Variants in KCNQ1 observed in about 807,000 individuals in gnomAD.
The protein encoded by KCNQ1 is potassium voltage-gated channel subfamily KQT member 1.
In KCNQ1, 49 loss-of-function variants were observed where a neutral mutation model predicts 72.4. The ratio of observed to expected loss-of-function variants is 0.68; its 90% CI spans 0.54 to 0.86. The LOEUF is 0.86. KCNQ1 is among the 40% of genes least tolerant of loss of function. The pLI is 0.00. For missense variants in KCNQ1, 790 were observed against 945.1 expected (o/e 0.84, Z 2.15); for synonymous variants, 450 against 412.6 (o/e 1.09, Z -1.10).
At position 2,463,503 on chromosome 11, in the gene KCNQ1, C is replaced by T. The variant is rs1215629450; in HGVS notation, c.386+18019C>T. 6.6e-6 allele frequency among the ~76,000 whole-genome samples: 1 copy of T among 152,098 alleles called. No individual in the cohort carries two copies. Among genetic ancestry groups the T allele is most frequent in the East Asian group, 1.9e-4 (1 of 5,178 alleles). On this transcript the variant is annotated intron_variant, in intron 1 of 15. Transcript: ENST00000155840. This position sits in a 1 kb window ranked among gnomAD's most constrained non-coding sequence, Gnocchi z 7.0. The stretch of plus-strand genomic sequence containing the variant: ...CTCTGTAGCCTTCCTGGCTTCGGTC[C>T]CCTGGACAGGCTCCACCTCCCTCTT...
intron 1 of KCNQ1, among the ~76,000 whole-genome samples, chr11:2,455,871 G>C (rs1846185138): frequency 6.6e-6 from 1 of 152,184 alleles, no homozygotes; most frequent in African/African-American, 2.4e-5. Flanking sequence ...GAACAGAATA[G>C]AGAACTCAGA....
chr11:2,507,320 C>T lies in KCNQ1; in HGVS notation c.387-20608C>T, dbSNP rs758523271. Among the ~76,000 whole-genome samples the T allele has an allele frequency of 9.2e-5, 14 of 152,182 alleles. No individual in the cohort carries two copies. The highest frequency in any genetic ancestry group is 1.9e-4 in the Non-Finnish European group (13 of 68,042). ...GGGGCCTTCACGAGGCCCCTCTGGC[C>T]TCTAAGTGGAGCATGGAGTGTGGGG... On this transcript the variant is annotated intron_variant, in intron 1 of 15. Transcript: ENST00000155840. The surrounding 1 kb of genome is among the most constrained non-coding windows in gnomAD (Gnocchi z 5.4).
rs1016606317 is a variant in KCNQ1, at chr11:2,450,085, C to A, written c.386+4601C>A. Among the ~76,000 whole-genome samples, 3 of 152,212 alleles carry A rather than the reference C, an allele frequency of 2.0e-5. No homozygotes were observed. Among genetic ancestry groups the A allele is most frequent in the Non-Finnish European group, 4.4e-5 (3 of 68,024 alleles). ...GGGCCCCCAGTTCCCTGCATTCCACCCGCCTTGTCTGGGAGGTGGACGAGC... is the reference window on the plus strand; with the variant it reads ...GGGCCCCCAGTTCCCTGCATTCCACACGCCTTGTCTGGGAGGTGGACGAGC... On this transcript the variant is annotated intron_variant, in intron 1 of 15. Transcript: ENST00000155840. This position sits in a 1 kb window ranked among gnomAD's most constrained non-coding sequence, Gnocchi z 7.9.
Position 2,826,438 on chromosome 11 carries a change from C to T in KCNQ1, c.1795-21329C>T, listed in dbSNP as rs998582481. Among the ~76,000 whole-genome samples, 6 of 152,256 alleles carry T rather than the reference C, an allele frequency of 3.9e-5. No individual in the cohort carries two copies. The highest frequency in any genetic ancestry group is 7.2e-5 in the African/African-American group (3 of 41,470). On this transcript the variant is annotated intron_variant, in intron 15 of 15. Coordinates refer to ENST00000155840, the MANE Select transcript of KCNQ1 (RefSeq NM_000218.3). The surrounding 1 kb of genome is among the most constrained non-coding windows in gnomAD (Gnocchi z 4.2). Reference sequence around the variant, plus strand: ...GCCTCTTGGCAGCGCTGATGGAAACCGCCGTGCGGTTCCGCGCAGACAGTC... The same window carrying T: ...GCCTCTTGGCAGCGCTGATGGAAACTGCCGTGCGGTTCCGCGCAGACAGTC...
intron 13 of KCNQ1, among the ~76,000 whole-genome samples, chr11:2,776,722 C>T (rs1182078293): frequency 6.6e-6 from 1 of 152,222 alleles, no homozygotes; most frequent in Non-Finnish European, 1.5e-5. Context: ...GATCCACTGC[C>T]TCCCACTCCT....
chr11:2,659,903 T>A lies in KCNQ1; in HGVS notation c.1394-2058T>A, dbSNP rs1026296405. 6.3e-5 allele frequency: 25 copies of A among 398,386 alleles called. No homozygotes were observed. The highest frequency in any genetic ancestry group is 1.1e-4 in the Non-Finnish European group (25 of 226,012). 24.7% of individuals were successfully genotyped at this position (398,386 alleles called of 1,614,324 possible). ...TAAAATTGGATTGTTCACTTTATTGTCAAGTTGTAAGCATTCTTTATATAT... is the reference window on the plus strand; with the variant it reads ...TAAAATTGGATTGTTCACTTTATTGACAAGTTGTAAGCATTCTTTATATAT... On this transcript the variant is annotated intron_variant, in intron 10 of 15. Transcript: ENST00000155840. This position sits in a 1 kb window ranked among gnomAD's most constrained non-coding sequence, Gnocchi z 4.3.
intron 11 of KCNQ1, chr11:2,688,658 C>A: frequency 2.5e-6 from 1 of 398,808 alleles, no homozygotes. Context: ...CATAGGGCTG[C>A]CTGCTTCGTT....
At position 2,695,282 on chromosome 11, in the gene KCNQ1, C is replaced by T; in HGVS notation, c.1514+33201C>T. ...TTCATCTCTAGCCTCTATCCTTGCT[C>T]TCCTCCCTACACAAACAGCTTCTCC... is the stretch of plus-strand genomic sequence containing the variant. On this transcript the variant is annotated intron_variant, in intron 11 of 15. Coordinates refer to ENST00000155840, the MANE Select transcript of KCNQ1 (RefSeq NM_000218.3). The surrounding 1 kb of genome is among the most constrained non-coding windows in gnomAD (Gnocchi z 5.2). 1 of 398,642 alleles carries T rather than the reference C, an allele frequency of 2.5e-6. No individual in the cohort carries two copies. The highest frequency in any genetic ancestry group is 2.1e-5 in the African/African-American group (1 of 48,724). The allele number at this position is 398,642 out of a possible 1,614,324, so 24.7% of individuals were successfully genotyped here.
chr11:2,610,865 C>T, intron 10 of KCNQ1: 1 of 398,062 alleles, frequency 2.5e-6, no homozygotes, highest in Non-Finnish European at 4.4e-6. Context: ...AAGCAGAGTG[C>T]CACATAGCCT....
intron 10 of KCNQ1, chr11:2,625,231 C>T (rs1055811631): frequency 5.0e-6 from 2 of 398,556 alleles, no homozygotes; most frequent in African/African-American, 4.1e-5. Context: ...CATGTCCCTT[C>T]CAGCAGTGGT....
chr11:2,636,493 A>G (rs1190343282), intron 10 of KCNQ1: 2 of 152,146 alleles, frequency 1.3e-5, no homozygotes, highest in Non-Finnish European at 2.9e-5. Flanking sequence ...ATGTTTATTG[A>G]TTTGCATATG....
Position 2,657,071 on chromosome 11 carries a change from A to G in KCNQ1, c.1394-4890A>G, listed in dbSNP as rs1181624577. 2.5e-6 allele frequency: 1 copy of G among 398,478 alleles called. No individual in the cohort carries two copies. The highest frequency in any genetic ancestry group is 2.1e-5 in the African/African-American group (1 of 48,622). The allele number at this position is 398,478 out of a possible 1,614,324, so 24.7% of individuals were successfully genotyped here. A position where few individuals can be genotyped will look rare whatever the true frequency, so the allele number is the denominator to read the frequency against. ...GTTTCCCAATGCTCAATCCTGTCCC[A>G]TTGGCCTATTTGTCTCTCCCTGTGT... is the stretch of plus-strand genomic sequence containing the variant. On this transcript the variant is annotated intron_variant, in intron 10 of 15. Transcript: ENST00000155840. The surrounding 1 kb of genome is among the most constrained non-coding windows in gnomAD (Gnocchi z 4.8).
In KCNQ1 at chr11:2,766,222, C is replaced by T. The variant is rs1564885607; in HGVS notation, c.1515-2622C>T. Among the ~76,000 whole-genome samples, 1 of 152,176 alleles carries T rather than the reference C, an allele frequency of 6.6e-6. No homozygotes were observed. The highest frequency in any genetic ancestry group is 1.5e-5 in the Non-Finnish European group (1 of 68,044). ...AAGTCTTCATCTAAATATTCTGAAG[C>T]AAAGCACAATCATCTGTTAGCTCAC... is the stretch of plus-strand genomic sequence containing the variant. On this transcript the variant is annotated intron_variant, in intron 11 of 15. Transcript: ENST00000155840. The surrounding 1 kb of genome is among the most constrained non-coding windows in gnomAD (Gnocchi z 4.4).
rs1019048238 is a variant in KCNQ1, at chr11:2,670,642, A to G, written c.1514+8561A>G. The G allele has an allele frequency of 2.5e-6, 1 of 398,548 alleles. No individual in the cohort carries two copies. The highest frequency in any genetic ancestry group is 4.4e-6 in the Non-Finnish European group (1 of 226,128). 24.7% of individuals were successfully genotyped at this position (398,548 alleles called of 1,614,324 possible). On this transcript the variant is annotated intron_variant, in intron 11 of 15. Coordinates refer to ENST00000155840, the MANE Select transcript of KCNQ1 (RefSeq NM_000218.3). This position sits in a 1 kb window ranked among gnomAD's most constrained non-coding sequence, Gnocchi z 4.9. Reference sequence around the variant, plus strand: ...AGCCTGGATATGCATGGCAGAGGCCAGGATGAACCCTGAAGATTGGTAGGA... The same window carrying G: ...AGCCTGGATATGCATGGCAGAGGCCGGGATGAACCCTGAAGATTGGTAGGA...
At position 2,745,799 on chromosome 11, in the gene KCNQ1, A is replaced by G. The variant is rs994767089; in HGVS notation, c.1515-23045A>G. The stretch of plus-strand genomic sequence containing the variant: ...TCAGCGAGGGCCGCCTTCAGGCCTG[A>G]GCCCGGGGCCAGGACCAGGAGCAGG... On this transcript the variant is annotated intron_variant, in intron 11 of 15. Transcript: ENST00000155840. The surrounding 1 kb of genome is among the most constrained non-coding windows in gnomAD (Gnocchi z 6.2). Among the ~76,000 whole-genome samples the G allele has an allele frequency of 3.3e-5, 5 of 152,220 alleles. No individual in the cohort carries two copies. The highest frequency in any genetic ancestry group is 1.2e-4 in the African/African-American group (5 of 41,448).
rs1019259046 is a variant in KCNQ1, at chr11:2,516,931, C to T, written c.387-10997C>T. Among the ~76,000 whole-genome samples, 2 of 152,086 alleles carry T rather than the reference C, an allele frequency of 1.3e-5. No homozygotes were observed. Among genetic ancestry groups the T allele is most frequent in the South Asian group, 2.1e-4 (1 of 4,820 alleles). ...GTCACCGGGAAGCTTCCTGGCTGCCCGAGGGTCCCCCAGCACCTGTCCCTC... is the reference window on the plus strand; with the variant it reads ...GTCACCGGGAAGCTTCCTGGCTGCCTGAGGGTCCCCCAGCACCTGTCCCTC... On this transcript the variant is annotated intron_variant, in intron 1 of 15. Transcript: ENST00000155840. The surrounding 1 kb of genome is among the most constrained non-coding windows in gnomAD (Gnocchi z 7.0).
intron 1 of KCNQ1, among the ~76,000 whole-genome samples, chr11:2,456,909 A>G (rs1846200943): frequency 6.8e-6 from 1 of 146,060 alleles, no homozygotes; most frequent in Non-Finnish European, 1.5e-5. Context: ...ACTGCACTCC[A>G]GCCTGGGTGA....
Position 2,603,033 on chromosome 11 carries a change from A to T in KCNQ1, c.1393+14179A>T, listed in dbSNP as rs1480073640. 2.6e-5 allele frequency among the ~76,000 whole-genome samples: 4 copies of T among 152,252 alleles called. No individual in the cohort carries two copies. Among genetic ancestry groups the T allele is most frequent in the Admixed American group, 2.0e-4 (3 of 15,306 alleles). ...TAGCTTTTTTCTAACAGCCTTGTGG[A>T]GATATAGTTTACATACCATACAATT... On this transcript the variant is annotated intron_variant, in intron 10 of 15. Coordinates refer to ENST00000155840, the MANE Select transcript of KCNQ1 (RefSeq NM_000218.3). The surrounding 1 kb of genome is among the most constrained non-coding windows in gnomAD (Gnocchi z 4.1).
In KCNQ1 at chr11:2,529,342, C is replaced by T. The variant is rs541846545; in HGVS notation, c.477+1324C>T. ...TTCTTTTTCGGGGGTTTCCTGGTGGCGCTTGCAGCCTTGCTTTTCCCAGTG... is the reference window on the plus strand; with the variant it reads ...TTCTTTTTCGGGGGTTTCCTGGTGGTGCTTGCAGCCTTGCTTTTCCCAGTG... On this transcript the variant is annotated intron_variant, in intron 2 of 15. Transcript: ENST00000155840. Among the ~76,000 whole-genome samples the T allele has an allele frequency of 3.0e-3, 452 of 152,064 alleles. 4 individuals are homozygous for T. Among genetic ancestry groups the T allele is most frequent in the African/African-American group, 0.01 (433 of 41,472 alleles).
Sources: allele counts gnomAD v4.1 joint callset (sites outside exome capture counted in the v4.1 genomes callset), GRCh38; gene constraint gnomAD v4.1.1; non-coding constraint Gnocchi (gnomAD v3.1); transcripts MANE v1.5; gene names NCBI Gene and HGNC (gene_info 2026-07-23, HGNC 2026-07-21).